The following PIK3R1 variants were observed in gnomAD, a reference collection of about 807,000 sequenced individuals.
PIK3R1 encodes phosphoinositide-3-kinase regulatory subunit 1, also known as phosphatidylinositol 3-kinase regulatory subunit alpha.
Under a neutral mutation model 98.0 loss-of-function variants are expected in PIK3R1, and 29 were observed. The ratio of observed to expected loss-of-function variants is 0.30; its 90% CI spans 0.22 to 0.40. The LOEUF (loss-of-function observed/expected upper bound fraction) is 0.40, where lower values mean the gene tolerates loss of function less well. Ranked by LOEUF, PIK3R1 falls within the 10% of genes least tolerant of loss-of-function variation. The probability of loss-of-function intolerance (pLI) is 1.00; values close to 1 mark genes in which losing one functional copy is unlikely to be tolerated. For missense variants in PIK3R1, 596 were observed against 872.7 expected (o/e 0.68, Z 3.99); for synonymous variants, 282 against 311.8 (o/e 0.90, Z 1.01).
chr5:68,248,642 G>T (rs183353481), intron 2 of PIK3R1, among the ~76,000 whole-genome samples: 30 of 152,246 alleles, frequency 2.0e-4, no homozygotes, highest in African/African-American at 7.2e-4. Flanking sequence ...TTGTTGGCAT[G>T]ACATGTTTGG....
rs1747806736 is a variant in PIK3R1 at position 68,297,678 on chromosome 5, C to T, written c.*77C>T. ...GGAAAGCAAAGGGCTCCTCTCCAGTCTGATCTGTGAATTGAGCTGCAGAAA... is the reference window on the plus strand; with the variant it reads ...GGAAAGCAAAGGGCTCCTCTCCAGTTTGATCTGTGAATTGAGCTGCAGAAA... On this transcript the variant is annotated 3_prime_UTR_variant, in exon 16 of 16. Coordinates refer to ENST00000521381, the MANE Select transcript of PIK3R1 (RefSeq NM_181523.3). 4 of 1,195,324 alleles carry T rather than the reference C, an allele frequency of 3.3e-6. No homozygotes were observed. The highest frequency in any genetic ancestry group is 4.8e-6 in the Non-Finnish European group (4 of 831,028). The allele number at this position is 1,195,324 out of a possible 1,614,324, so 74.0% of individuals were successfully genotyped here.
chr5:68,284,107 T>C (rs545878713), intron 7 of PIK3R1, among the ~76,000 whole-genome samples: 4 of 152,206 alleles, frequency 2.6e-5, no homozygotes, highest in African/African-American at 9.6e-5. Flanking sequence ...CAAATTGTTT[T>C]CCAGACTGTG....
At chr5:68,263,235 A>T (rs1745979362) in intron 2 of PIK3R1, among the ~76,000 whole-genome samples, 1 of 137,070 alleles carries the variant, frequency 7.3e-6, no homozygotes, top group Non-Finnish European at 1.6e-5. Context: ...ATATCTATAT[A>T]TGTAGAAATA....
intron 7 of PIK3R1, chr5:68,288,418 T>C (rs4317277): frequency 8.1e-7 from 1 of 1,229,086 alleles, no homozygotes; most frequent in African/African-American, 1.6e-5. Context: ...TCCTCCCCGA[T>C]ACAGTAGCGA....
chr5:68,252,325 T>C (rs1323870476), intron 2 of PIK3R1, among the ~76,000 whole-genome samples: 4 of 151,446 alleles, frequency 2.6e-5, no homozygotes, highest in East Asian at 3.9e-4. Context: ...TTGGCAGATA[T>C]GCTTATTTGA....
intron 1 of PIK3R1, among the ~76,000 whole-genome samples, chr5:68,221,482 C>A (rs1744091420): frequency 6.6e-6 from 1 of 152,172 alleles, no homozygotes; most frequent in Non-Finnish European, 1.5e-5. Context: ...GTTGAAGACC[C>A]ATTTCGTGCT....
rs545184113 is a variant in PIK3R1 at position 68,243,337 on chromosome 5, T to G, written c.334+16328T>G. 4.6e-5 allele frequency among the ~76,000 whole-genome samples: 7 copies of G among 152,330 alleles called. No individual in the cohort carries two copies. The South Asian group carries it at 1.4e-3, about 32-fold the overall frequency. On this transcript the variant is annotated intron_variant, in intron 2 of 15. Transcript: ENST00000521381. Reference sequence around the variant, plus strand: ...TGCTTTGATTAGACACATAAAACTTTGAAAAGTTTTGATGTTCTGTTTCCT... The same window carrying G: ...TGCTTTGATTAGACACATAAAACTTGGAAAAGTTTTGATGTTCTGTTTCCT...
At chr5:68,288,644 G>A (rs1293394039) in intron 7 of PIK3R1, 59 of 1,601,096 alleles carry the variant, frequency 3.7e-5, no homozygotes, top group African/African-American at 1.3e-5. Context: ...GGGGGGAGGT[G>A]CGGGGGCTTG....
intron 1 of PIK3R1, among the ~76,000 whole-genome samples, chr5:68,223,060 CTA>C (rs1209951553): frequency 1.3e-5 from 2 of 150,862 alleles, no homozygotes; most frequent in East Asian, 1.9e-4. Context: ...CTGTATATAA[CTA>C]TATATAGTCA....
chr5:68,296,081 A>G (rs1580266848), intron 14 of PIK3R1, 90 bp from the exon 15 acceptor site: 3 of 1,263,444 alleles, frequency 2.4e-6, no homozygotes, highest in Admixed American at 1.9e-5. Context: ...GCCAGGAGGG[A>G]AGTGACGGGG....
Position 68,226,553 on chromosome 5 carries a change from TC to T in PIK3R1, c.-121del, listed in dbSNP as rs1332516878. 3 of 768,640 alleles carry T rather than the reference TC, an allele frequency of 3.9e-6. No individual in the cohort carries two copies. Among genetic ancestry groups the T allele is most frequent in the Non-Finnish European group, 6.3e-6 (3 of 475,340 alleles). 47.6% of individuals were successfully genotyped at this position (768,640 alleles called of 1,614,324 possible). ...TAAACCTTTGGAGAGTGGTCCTTTG[TC>T]CTCTGCTGGACACATAATAGGAATT... On this transcript the variant is annotated 5_prime_UTR_variant, in exon 2 of 16. The change creates a premature stop within an existing upstream ORF in the 5' untranslated region. Transcript: ENST00000521381.
At chr5:68,219,025 T>TA (rs1160297396) in intron 1 of PIK3R1, among the ~76,000 whole-genome samples, 2 of 152,332 alleles carry the variant, frequency 1.3e-5, no homozygotes, top group African/African-American at 4.8e-5. Flanking sequence ...TGTATGGAGT[T>TA]ACTTGCTTAA....
chr5:68,281,346 A>G (rs908378455), intron 7 of PIK3R1, among the ~76,000 whole-genome samples: 2 of 152,160 alleles, frequency 1.3e-5, no homozygotes, highest in Non-Finnish European at 2.9e-5. Flanking sequence ...AATACTTACA[A>G]AGTAGGGGAT....
chr5:68,262,572 CCTACATGTATACACATGTAT>C (rs1745825340), intron 2 of PIK3R1, among the ~76,000 whole-genome samples: 1 of 139,354 alleles, frequency 7.2e-6, no homozygotes, highest in Non-Finnish European at 1.5e-5. Flanking sequence ...TACACATGTA[CCTACATGTATACACATGTAT>C]CTGCATGTAT....
At chr5:68,249,659 G>T (rs1245826559) in intron 2 of PIK3R1, among the ~76,000 whole-genome samples, 3 of 152,178 alleles carry the variant, frequency 2.0e-5, no homozygotes, top group African/African-American at 4.8e-5. Flanking sequence ...CTACTACTAT[G>T]TTACTATGGT....
Position 68,289,759 on chromosome 5 carries a change from C to CAAAAAAAAA in PIK3R1, c.917-2481_917-2473dup, listed in dbSNP as rs71305021. ...GGCATTTGAGATAGAGGGGGAAAAGCAAAAAAAAAAAAAAAAAAAAAAAAA... is the reference window on the plus strand; with the variant it reads ...GGCATTTGAGATAGAGGGGGAAAAGCAAAAAAAAAAAAAAAAAAAAAAAAAAAAAAAAAA... On this transcript the variant is annotated intron_variant, in intron 7 of 15. Transcript: ENST00000521381. 3.3e-4 allele frequency among the ~76,000 whole-genome samples: 17 copies of CAAAAAAAAA among 51,882 alleles called. 1 individual carries two copies. Among genetic ancestry groups the CAAAAAAAAA allele is most frequent in the Admixed American group, 1.1e-3 (4 of 3,770 alleles). 34.0% of individuals were successfully genotyped at this position (51,882 alleles called of 152,430 possible).
intron 2 of PIK3R1, among the ~76,000 whole-genome samples, chr5:68,266,112 G>T (rs1746112831): frequency 6.6e-6 from 1 of 152,110 alleles, no homozygotes; most frequent in South Asian, 2.1e-4. Flanking sequence ...CTTCTTTCTG[G>T]TCTCTAGTCT....
intron 8 of PIK3R1, 116 bp downstream of exon 8, chr5:68,292,477 T>G (rs757364186): frequency 2.1e-6 from 3 of 1,462,594 alleles, no homozygotes; most frequent in Non-Finnish European, 2.8e-6. Flanking sequence ...GCATAGTTGG[T>G]TCTCTTCCAA....
At chr5:68,251,222 T>C (rs75027055) in intron 2 of PIK3R1, among the ~76,000 whole-genome samples, 1,899 of 152,186 alleles carry the variant, frequency 0.012, 44 homozygotes, top group African/African-American at 0.043. Flanking sequence ...GTAAAATTCC[T>C]GGATCCTAGA....
Sources: gnomAD v4.1 joint callset for allele counts (sites outside exome capture counted in the v4.1 genomes callset) on GRCh38, gnomAD v4.1.1 for gene constraint, MANE v1.5 for transcripts, NCBI Gene and HGNC (gene_info 2026-07-23, HGNC 2026-07-21) for gene names.